The following EYS variants were observed in gnomAD, a reference collection of about 807,000 sequenced individuals.
EYS encodes protein eyes shut homolog.
In EYS, 250 loss-of-function variants were observed where a neutral mutation model predicts 282.1. The ratio of observed to expected loss-of-function variants is 0.89; its 90% CI spans 0.80 to 0.98. The LOEUF (loss-of-function observed/expected upper bound fraction) is 0.98. EYS is among the 50% of genes least tolerant of loss of function. The probability of loss-of-function intolerance (pLI) is 0.00; values close to 1 mark genes in which losing one functional copy is unlikely to be tolerated. For synonymous variants in EYS, 1,355 were observed against 1,282.9 expected (o/e 1.06, Z -1.20); for missense variants, 4,016 against 3,709.0 (o/e 1.08, Z -2.15).
intron 26 of EYS, among the ~76,000 whole-genome samples, chr6:64,490,765 G>A (rs566328122): frequency 6.6e-6 from 1 of 150,784 alleles, no homozygotes; most frequent in South Asian, 2.1e-4. Flanking sequence ...CTAAAATGTT[G>A]GGAACTGAGA....
chr6:64,532,922 T>G (rs953322203), intron 26 of EYS, among the ~76,000 whole-genome samples: 1 of 152,118 alleles, frequency 6.6e-6, no homozygotes, highest in African/African-American at 2.4e-5. Context: ...AATCATCTTA[T>G]AGGGATTCTT....
rs140297850 is a variant in EYS at position 64,091,775 on chromosome 6, A to G, written c.6425-9773T>C. ...TTGTCTTTTTTTTAATTATACTTTA[A>G]GTTTTAGGGTACATGTGCAAAACGT... is the stretch of plus-strand genomic sequence containing the variant. On this transcript the variant is annotated intron_variant, in intron 31 of 42. Transcript: ENST00000503581. Among the ~76,000 whole-genome samples, 817 of 152,224 alleles carry G rather than the reference A, an allele frequency of 5.4e-3. 5 individuals are homozygous for G. The highest frequency in any genetic ancestry group is 0.018 in the African/African-American group (748 of 41,522).
intron 12 of EYS, among the ~76,000 whole-genome samples, chr6:65,182,431 T>C (rs1765412388): frequency 6.6e-6 from 1 of 151,642 alleles, no homozygotes; most frequent in Non-Finnish European, 1.5e-5. Flanking sequence ...TATAGTATAT[T>C]TTTCTTAATG....
intron 22 of EYS, among the ~76,000 whole-genome samples, chr6:64,689,133 C>T (rs947923356): frequency 1.3e-5 from 2 of 152,130 alleles, no homozygotes; most frequent in African/African-American, 4.8e-5. Flanking sequence ...TCTCAGGATA[C>T]AAAATCAATG....
At chr6:64,185,575 T>G (rs1230693688) in intron 31 of EYS, among the ~76,000 whole-genome samples, 1 of 152,158 alleles carries the variant, frequency 6.6e-6, no homozygotes, top group Admixed American at 6.6e-5. Flanking sequence ...GAACCTGCTT[T>G]AAAAACAATG....
chr6:64,492,765 G>T (rs1444080509), intron 26 of EYS, among the ~76,000 whole-genome samples: 2 of 151,238 alleles, frequency 1.3e-5, no homozygotes, highest in African/African-American at 4.8e-5. Context: ...TAGACATGAG[G>T]AAGTAATGTA....
chr6:64,355,764 T>C (rs1432446264), intron 29 of EYS, among the ~76,000 whole-genome samples: 2 of 151,582 alleles, frequency 1.3e-5, no homozygotes, highest in African/African-American at 4.8e-5. Context: ...CAAAGATGAA[T>C]CAATCAGGCA....
intron 33 of EYS, among the ~76,000 whole-genome samples, chr6:64,045,930 T>C (rs1306713544): frequency 6.8e-6 from 1 of 147,808 alleles, no homozygotes; most frequent in Non-Finnish European, 1.5e-5. Flanking sequence ...ATGTAATATA[T>C]AATACATATA....
chr6:65,371,739 CTCTGTGTGTG>C (rs1765157655), intron 8 of EYS, among the ~76,000 whole-genome samples: 2 of 51,696 alleles, frequency 3.9e-5, no homozygotes, highest in South Asian at 1.8e-3. Flanking sequence ...CTCTCTCTCT[CTCTGTGTGTG>C]TGTGTGTGTG....
At chr6:65,204,678 A>G (rs1765984015) in intron 12 of EYS, among the ~76,000 whole-genome samples, 1 of 151,768 alleles carries the variant, frequency 6.6e-6, no homozygotes, top group East Asian at 1.9e-4. Flanking sequence ...GAATAAAATG[A>G]AACCTCACAT....
At chr6:64,174,655 A>G (rs1764574698) in intron 31 of EYS, among the ~76,000 whole-genome samples, 1 of 151,780 alleles carries the variant, frequency 6.6e-6, no homozygotes, top group African/African-American at 2.4e-5. Flanking sequence ...AAATGTAAAG[A>G]TATTGAAGAT....
At chr6:65,075,393 A>G (rs987177732) in intron 12 of EYS, among the ~76,000 whole-genome samples, 1 of 152,066 alleles carries the variant, frequency 6.6e-6, no homozygotes, top group Non-Finnish European at 1.5e-5. Context: ...TGGAACTACT[A>G]TATAAACATA....
At chr6:64,384,443 T>A (rs1772846480) in intron 29 of EYS, among the ~76,000 whole-genome samples, 1 of 152,064 alleles carries the variant, frequency 6.6e-6, no homozygotes, top group African/African-American at 2.4e-5. Flanking sequence ...CTTACTTACA[T>A]CTGAAAAAAA....
chr6:64,162,223 A>T (rs937847399), intron 31 of EYS, among the ~76,000 whole-genome samples: 12 of 152,130 alleles, frequency 7.9e-5, no homozygotes, highest in African/African-American at 2.9e-4. Flanking sequence ...TTCAGTCAGA[A>T]CACAAAAATC....
At chr6:63,828,857 TG>T (rs1224796953) in intron 36 of EYS, among the ~76,000 whole-genome samples, 1 of 152,150 alleles carries the variant, frequency 6.6e-6, no homozygotes, top group African/African-American at 2.4e-5. Context: ...ACACTGCTGG[TG>T]GGAATGTAAA....
At chr6:64,167,756 A>T (rs1764340713) in intron 31 of EYS, among the ~76,000 whole-genome samples, 1 of 151,470 alleles carries the variant, frequency 6.6e-6, no homozygotes, top group African/African-American at 2.5e-5. Context: ...AATATTTGCA[A>T]ATTTTACATT....
intron 31 of EYS, among the ~76,000 whole-genome samples, chr6:64,095,255 A>G (rs1772548683): frequency 1.3e-5 from 2 of 152,354 alleles, no homozygotes; most frequent in South Asian, 2.1e-4. Flanking sequence ...AGAGTTCTGT[A>G]GATGTCTCTT....
chr6:65,134,589 C>T (rs1581941189), intron 12 of EYS, among the ~76,000 whole-genome samples: 1 of 151,982 alleles, frequency 6.6e-6, no homozygotes, highest in African/African-American at 2.4e-5. Flanking sequence ...ACAACAGACA[C>T]TACAGCCTCC....
chr6:64,460,439 GTA>G (rs1325593148), intron 26 of EYS, among the ~76,000 whole-genome samples: 1 of 152,102 alleles, frequency 6.6e-6, no homozygotes, highest in African/African-American at 2.4e-5. Flanking sequence ...TCTCAATAAT[GTA>G]TGTTACAATT....
Sources: gnomAD v4.1 joint callset for allele counts (sites outside exome capture counted in the v4.1 genomes callset) on GRCh38, gnomAD v4.1.1 for gene constraint, MANE v1.5 for transcripts, NCBI Gene and HGNC (gene_info 2026-07-23, HGNC 2026-07-21) for gene names.